NXN: variants seen among roughly 807,000 people sequenced by gnomAD.
NXN encodes the protein nucleoredoxin 1.
Under a neutral mutation model 48.6 loss-of-function variants are expected in NXN, and 16 were observed. That is an observed-to-expected ratio of 0.33 (90% confidence interval 0.22 to 0.50). The LOEUF is 0.50. Ranked by LOEUF, NXN falls within the 20% of genes least tolerant of loss-of-function variation. The pLI is 0.98. For missense variants in NXN, 492 were observed against 605.5 expected (o/e 0.81, Z 1.97); for synonymous variants, 281 against 269.6 (o/e 1.04, Z -0.41).
At chr17:908,873 G>A (rs959293221) in intron 1 of NXN, among the ~76,000 whole-genome samples, 4 of 152,090 alleles carry the variant, frequency 2.6e-5, no homozygotes, top group Non-Finnish European at 4.4e-5. Context: ...GGAGGCCGAG[G>A]CAGGCAGATC....
chr17:955,161 TC>T (rs1309011675), intron 1 of NXN, among the ~76,000 whole-genome samples: 3 of 146,428 alleles, frequency 2.0e-5, no homozygotes, highest in Admixed American at 6.7e-5. Flanking sequence ...CTCATCTCTT[TC>T]TTTTTTTTTT....
intron 5 of NXN, among the ~76,000 whole-genome samples, chr17:808,938 A>C (rs1911748875): frequency 6.6e-6 from 1 of 152,076 alleles, no homozygotes; most frequent in African/African-American, 2.4e-5. Flanking sequence ...CGGCCTCCCA[A>C]ACTGCTGGGA....
rs1453418276 is a variant in NXN at position 940,922 on chromosome 17, T to C, written c.360+38397A>G. On this transcript the variant is annotated intron_variant, in intron 1 of 7. Transcript: ENST00000336868. ...ATTTACAGTGAACAAGATTCCAGGG[T>C]GCAGCCATGAACTCACATCACACCT... Among the ~76,000 whole-genome samples, 5 of 141,178 alleles carry C rather than the reference T, an allele frequency of 3.5e-5. No homozygotes were observed. In the South Asian group the frequency reaches 6.8e-4, roughly 19 times the overall value. 92.6% of individuals were successfully genotyped at this position (141,178 alleles called of 152,430 possible).
rs558586663 is a variant in NXN at position 852,226 on chromosome 17, G to A, written c.361-26148C>T. Among the ~76,000 whole-genome samples, 77 of 152,256 alleles carry A rather than the reference G, an allele frequency of 5.1e-4. 1 individual carries two copies. Among genetic ancestry groups the A allele is most frequent in the South Asian group, 2.1e-4 (1 of 4,820 alleles). On this transcript the variant is annotated intron_variant, in intron 1 of 7. Transcript: ENST00000336868. The stretch of plus-strand genomic sequence containing the variant: ...GCTCTTCTGCCATCCGGGGGCATCC[G>A]GATGACACCTCCTCACAAGTCCCAT...
At chr17:885,162 T>C (rs1476302268) in intron 1 of NXN, among the ~76,000 whole-genome samples, 1 of 152,142 alleles carries the variant, frequency 6.6e-6, no homozygotes, top group African/African-American at 2.4e-5. Flanking sequence ...GGACAGAGAC[T>C]AATAAGACTC....
chr17:964,542 C>T (rs2069279826), intron 1 of NXN, among the ~76,000 whole-genome samples: 1 of 152,112 alleles, frequency 6.6e-6, no homozygotes, highest in South Asian at 2.1e-4. Flanking sequence ...GGGTTGAAGC[C>T]GGGACTTTCT....
chr17:885,239 G>A lies in NXN; in HGVS notation c.361-59161C>T, dbSNP rs138256790. On this transcript the variant is annotated intron_variant, in intron 1 of 7. Coordinates refer to ENST00000336868, the MANE Select transcript of NXN (RefSeq NM_022463.5). ...AGCATTTTGGGAGGCCGAGACGGGC[G>A]GATCACGAGGTCAGAGGTTGAGACC... 3.9e-3 allele frequency among the ~76,000 whole-genome samples: 599 copies of A among 152,272 alleles called. 1 individual carries two copies. Among genetic ancestry groups the A allele is most frequent in the African/African-American group, 0.013 (561 of 41,564 alleles).
chr17:913,157 C>T lies in NXN; in HGVS notation c.360+66162G>A, dbSNP rs949139694. 3.9e-5 allele frequency among the ~76,000 whole-genome samples: 6 copies of T among 152,130 alleles called. 1 individual carries two copies. Among genetic ancestry groups the T allele is most frequent in the African/African-American group, 1.4e-4 (6 of 41,412 alleles). On this transcript the variant is annotated intron_variant, in intron 1 of 7. Coordinates refer to ENST00000336868, the MANE Select transcript of NXN (RefSeq NM_022463.5). Reference sequence around the variant, plus strand: ...ATAAAATCTAGATTAATTCTCTGAACATAAATAGAGGCTAACTTCTTATTA... The same window carrying T: ...ATAAAATCTAGATTAATTCTCTGAATATAAATAGAGGCTAACTTCTTATTA...
At chr17:973,512 T>C (rs1160065977) in intron 1 of NXN, among the ~76,000 whole-genome samples, 1 of 152,188 alleles carries the variant, frequency 6.6e-6, no homozygotes, top group Admixed American at 6.5e-5. Context: ...AACTTAAATC[T>C]TTCCCAGGCT....
chr17:977,588 C>T (rs1445673153), intron 1 of NXN, among the ~76,000 whole-genome samples: 1 of 152,180 alleles, frequency 6.6e-6, no homozygotes, highest in Non-Finnish European at 1.5e-5. Context: ...GTAAAAAACA[C>T]AACAATAGGC....
intron 1 of NXN, among the ~76,000 whole-genome samples, chr17:885,707 G>C (rs1479162942): frequency 1.1e-5 from 1 of 95,034 alleles, no homozygotes; most frequent in Admixed American, 1.2e-4. Flanking sequence ...TTTTGAGACA[G>C]AGTCGCTCTG....
intron 1 of NXN, among the ~76,000 whole-genome samples, chr17:929,481 A>G (rs2068832829): frequency 1.3e-5 from 2 of 152,244 alleles, no homozygotes; most frequent in Admixed American, 1.3e-4. Context: ...TCTGTGAAGA[A>G]CATCCCAGTT....
intron 5 of NXN, among the ~76,000 whole-genome samples, chr17:806,981 A>G (rs529530): frequency 0.71 from 108,350 of 152,024 alleles, 38,923 homozygotes; most frequent in East Asian, 0.84. Context: ...GCCGGCTCTC[A>G]CTGGGGATTT....
chr17:824,376 C>T (rs1912984527), intron 2 of NXN, among the ~76,000 whole-genome samples: 1 of 152,188 alleles, frequency 6.6e-6, no homozygotes, highest in African/African-American at 2.4e-5. Flanking sequence ...AGTACAAACG[C>T]CCAGGCCACA....
At chr17:966,424 C>T (rs528397523) in intron 1 of NXN, among the ~76,000 whole-genome samples, 13 of 152,068 alleles carry the variant, frequency 8.5e-5, no homozygotes, top group African/African-American at 1.7e-4. Flanking sequence ...TTTGGCTCAC[C>T]GCAACCTCCG....
chr17:839,808 A>AAAAAAAAAAAAC, intron 1 of NXN, among the ~76,000 whole-genome samples: 1 of 143,692 alleles, frequency 7.0e-6, no homozygotes, highest in African/African-American at 2.7e-5. Flanking sequence ...AAAAAAAAAA[A>AAAAAAAAAAAAC]AAAAAAGGCC....
intron 1 of NXN, among the ~76,000 whole-genome samples, chr17:904,157 C>A (rs2068561411): frequency 1.3e-5 from 2 of 152,356 alleles, no homozygotes; most frequent in South Asian, 4.1e-4. Context: ...ACATGCCTCA[C>A]CGCGTCGACT....
chr17:853,587 T>G (rs938758212), intron 1 of NXN, among the ~76,000 whole-genome samples: 1 of 151,712 alleles, frequency 6.6e-6, no homozygotes, highest in African/African-American at 2.4e-5. Context: ...CATCAGCTCT[T>G]CGGGGGAGCC....
intron 1 of NXN, among the ~76,000 whole-genome samples, chr17:967,327 A>G (rs955821146): frequency 6.6e-6 from 1 of 152,152 alleles, no homozygotes; most frequent in Non-Finnish European, 1.5e-5. Flanking sequence ...TCAGGCCACT[A>G]GGAGATGAGG....
Sources: gnomAD v4.1 joint callset for allele counts (sites outside exome capture counted in the v4.1 genomes callset) on GRCh38, gnomAD v4.1.1 for gene constraint, MANE v1.5 for transcripts, NCBI Gene and HGNC (gene_info 2026-07-23, HGNC 2026-07-21) for gene names.